The following IL21 variants were observed in gnomAD, a reference collection of about 807,000 sequenced individuals.
The protein encoded by IL21 is interleukin 21, also known as interleukin-21.
Under a neutral mutation model 18.4 loss-of-function variants are expected in IL21, and 3 were observed. The observed-to-expected ratio is 0.16, with a 90% CI of 0.07 to 0.42. IL21 has a LOEUF of 0.42. Ranked by LOEUF, IL21 falls within the 10% of genes least tolerant of loss-of-function variation. The pLI is 0.99. For synonymous variants in IL21, 37 were observed against 62.0 expected (o/e 0.60, Z 1.90); for missense variants, 130 against 188.4 (o/e 0.69, Z 1.81).
intron 2 of IL21, 142 bp downstream of exon 2, chr4:122,620,559 T>A: frequency 1.4e-6 from 1 of 717,120 alleles, no homozygotes; most frequent in East Asian, 2.8e-5. Context: ...AACCAAAATA[T>A]AAATAAATAT....
At position 122,612,675 on chromosome 4, in the gene IL21, G is replaced by A. The variant is rs1278832339; in HGVS notation, c.*35C>T. On this transcript the variant is annotated 3_prime_UTR_variant, in exon 5 of 5. Transcript: ENST00000648588. The stretch of plus-strand genomic sequence containing the variant: ...AAATGACTTTCACTACTATATTAGA[G>A]TATGTAACATAGTGTCCAACTGCAA... The A allele has an allele frequency of 7.4e-7, 1 of 1,350,522 alleles. No homozygotes were observed. Among genetic ancestry groups the A allele is most frequent in the Admixed American group, 1.7e-5 (1 of 59,718 alleles). 83.7% of individuals were successfully genotyped at this position (1,350,522 alleles called of 1,614,324 possible). A position where few individuals can be genotyped will look rare whatever the true frequency, so the allele number is the denominator to read the frequency against.
At chr4:122,620,643 A>G (rs924000401) in intron 2 of IL21, 58 bp downstream of exon 2, 27 of 1,437,768 alleles carry the variant, frequency 1.9e-5, no homozygotes, top group Middle Eastern at 2.4e-4. Flanking sequence ...TGTCTTTCTT[A>G]TTGGATTTAA....
At chr4:122,617,096 A>G (rs1159859772) in intron 2 of IL21, among the ~76,000 whole-genome samples, 1 of 152,184 alleles carries the variant, frequency 6.6e-6, no homozygotes, top group Non-Finnish European at 1.5e-5. Flanking sequence ...CTAAGACACA[A>G]ACCTATCAGG....
intron 2 of IL21, among the ~76,000 whole-genome samples, 182 bp from the exon 3 acceptor site, chr4:122,616,019 T>C (rs1191287358): frequency 6.6e-6 from 1 of 152,268 alleles, no homozygotes; most frequent in African/African-American, 2.4e-5. Context: ...GACAATCCCC[T>C]GCTTCGCAGA....
At chr4:122,619,134 C>T (rs1036635712) in intron 2 of IL21, 9 of 152,138 alleles carry the variant, frequency 5.9e-5, no homozygotes, top group African/African-American at 2.2e-4. Context: ...AGATGCCTGG[C>T]TAGGCCAATT....
At chr4:122,617,737 CA>C (rs746966123) in intron 2 of IL21, among the ~76,000 whole-genome samples, 1 of 152,204 alleles carries the variant, frequency 6.6e-6, no homozygotes, top group Non-Finnish European at 1.5e-5. Context: ...TGTTAACAGA[CA>C]ATGGGGTTTT....
chr4:122,618,665 G>T (rs1799376613), intron 2 of IL21, among the ~76,000 whole-genome samples: 1 of 152,102 alleles, frequency 6.6e-6, no homozygotes, highest in Non-Finnish European at 1.5e-5. Flanking sequence ...AATTAGCTGG[G>T]TGTGGTGGCG....
chr4:122,615,572 G>T, intron 3 of IL21, 110 bp downstream of exon 3: 1 of 933,584 alleles, frequency 1.1e-6, no homozygotes, highest in Non-Finnish European at 1.6e-6. Context: ...CATAACTATA[G>T]GTAAGGAAGA....
In IL21 at chr4:122,620,954, A is replaced by G. The variant is rs779833439; in HGVS notation, c.58T>C (p.Leu20=). ...RIVICLMVIF[L]GTLVHKSSSQ... The stretch of plus-strand genomic sequence containing the variant: ...CTTGATTTGTGGACCAGTGTCCCCA[A>G]GAAGATGACCATCAGACAGATGACA... The change falls in exon 1 of 5, where the codon TTG becomes CTG. Residue 20 remains leucine (L), a synonymous_variant. Coordinates refer to ENST00000648588, the MANE Select transcript of IL21 (RefSeq NM_021803.4). 5.6e-6 allele frequency: 9 copies of G among 1,613,946 alleles called. No individual in the cohort carries two copies. The highest frequency in any genetic ancestry group is 1.1e-5 in the South Asian group (1 of 91,082).
At chr4:122,619,834 C>G (rs1215346711) in intron 2 of IL21, 1 of 152,172 alleles carries the variant, frequency 6.6e-6, no homozygotes, top group Non-Finnish European at 1.5e-5. Flanking sequence ...TAATTGTTTT[C>G]TTTGCAATGT....
rs967027776 is a variant in IL21 at position 122,611,555 on chromosome 4, T to C, written c.*1155A>G. On this transcript the variant is annotated 3_prime_UTR_variant, in exon 5 of 5. Transcript: ENST00000648588. Reference sequence around the variant, plus strand: ...AACTTCATGTTTAAACAAGCTGTGCTGGAGTTGATATGAAATGGCAGGTAG... The same window carrying C: ...AACTTCATGTTTAAACAAGCTGTGCCGGAGTTGATATGAAATGGCAGGTAG... Among the ~76,000 whole-genome samples the C allele has an allele frequency of 6.6e-6, 1 of 152,198 alleles. No individual in the cohort carries two copies. The highest frequency in any genetic ancestry group is 2.4e-5 in the African/African-American group (1 of 41,468).
At chr4:122,620,503 T>C (rs1344671528) in intron 2 of IL21, among the ~76,000 whole-genome samples, 198 bp downstream of exon 2, 1 of 152,214 alleles carries the variant, frequency 6.6e-6, no homozygotes, top group Non-Finnish European at 1.5e-5. Context: ...TTATGAGGAA[T>C]ATAATATAGC....
chr4:122,611,179 G>A lies in IL21; in HGVS notation c.*1531C>T, dbSNP rs1334265159. On this transcript the variant is annotated 3_prime_UTR_variant, in exon 5 of 5. Transcript: ENST00000648588. The stretch of plus-strand genomic sequence containing the variant: ...CCGGGCTGGCGTATTTGAAACTGAG[G>A]CACATTTTAGATATATATTATCATC... Among the ~76,000 whole-genome samples, 1 of 152,004 alleles carries A rather than the reference G, an allele frequency of 6.6e-6. No individual in the cohort carries two copies. The highest frequency in any genetic ancestry group is 1.5e-5 in the Non-Finnish European group (1 of 67,986).
chr4:122,615,837 T>C lies in IL21; in HGVS notation c.205A>G (p.Thr69Ala). The stretch of plus-strand genomic sequence containing the variant: ...GAAAAAGCTGACCACTCACAGTTTG[T>C]CTGAAAGATAAACAATTTGTATATA... ...EFLPAPEDVE[T>A]NCEWSAFSCF... The change falls in exon 3 of 5, where the codon ACA becomes GCA. Residue 69 changes from threonine (T) to alanine (A), a missense_variant and splice_region_variant. Physicochemically the swap from Thr to Ala is moderately conservative, Grantham distance 58. Transcript: ENST00000648588. 1 of 1,604,832 alleles carries C rather than the reference T, an allele frequency of 6.2e-7. No individual in the cohort carries two copies. The highest frequency in any genetic ancestry group is 8.5e-7 in the Non-Finnish European group (1 of 1,176,436).
intron 3 of IL21, among the ~76,000 whole-genome samples, chr4:122,614,833 G>A (rs906257342): frequency 1.3e-5 from 2 of 152,068 alleles, no homozygotes; most frequent in African/African-American, 2.4e-5. Context: ...GGATCTCAGG[G>A]CTCCTAAAAG....
In IL21 at chr4:122,621,038, G is replaced by A. The variant is rs1799421402; in HGVS notation, c.-27C>T. On this transcript the variant is annotated 5_prime_UTR_variant, in exon 1 of 5. Coordinates refer to ENST00000648588, the MANE Select transcript of IL21 (RefSeq NM_021803.4). ...AGTACCAACAGTAGAGCTAGACCTT[G>A]GTCTCGTTTTCACTTCAGCTTGACT... The A allele has an allele frequency of 1.9e-6, 3 of 1,601,944 alleles. No individual in the cohort carries two copies. The highest frequency in any genetic ancestry group is 2.6e-6 in the Non-Finnish European group (3 of 1,172,700).
At position 122,610,773 on chromosome 4, in the gene IL21, C is replaced by T. The variant is rs1441166383; in HGVS notation, c.*1937G>A. ...TCTTTATATTCCTTTTAAGAACTGG[C>T]CATCTTGAACATAGAGCAGTGAAGA... On this transcript the variant is annotated 3_prime_UTR_variant, in exon 5 of 5. Transcript: ENST00000648588. Among the ~76,000 whole-genome samples the T allele has an allele frequency of 2.6e-5, 4 of 152,152 alleles. No homozygotes were observed. Among genetic ancestry groups the T allele is most frequent in the African/African-American group, 9.7e-5 (4 of 41,442 alleles).
In IL21 at chr4:122,616,460, T is replaced by C. The variant is rs1243992535; in HGVS notation, c.205-623A>G. 3.3e-5 allele frequency among the ~76,000 whole-genome samples: 5 copies of C among 152,204 alleles called. No individual in the cohort carries two copies. The East Asian group carries it at 7.7e-4, about 23-fold the overall frequency. On this transcript the variant is annotated intron_variant, in intron 2 of 4. Transcript: ENST00000648588. ...CATATTTTACATCTAAGATTCAATA[T>C]ACTTGCCATAGATCACACATGACTT...
chr4:122,619,783 A>C (rs1305051661), intron 2 of IL21, among the ~76,000 whole-genome samples: 1 of 152,146 alleles, frequency 6.6e-6, no homozygotes, highest in Non-Finnish European at 1.5e-5. Flanking sequence ...AATAGTTGTG[A>C]CTCATTCACT....
Sources: gnomAD v4.1 joint callset for allele counts (sites outside exome capture counted in the v4.1 genomes callset) on GRCh38, gnomAD v4.1.1 for gene constraint, MANE v1.5 for transcripts, NCBI Gene and HGNC (gene_info 2026-07-23, HGNC 2026-07-21) for gene names.